KLHL4: variants seen among roughly 807,000 people sequenced by gnomAD.
KLHL4 encodes the protein kelch-like protein 4.
KLHL4 carries 17 observed loss-of-function variants against 45.8 expected under a neutral mutation model. The observed-to-expected ratio is 0.37, with a 90% CI of 0.25 to 0.56. The LOEUF (loss-of-function observed/expected upper bound fraction) is 0.56. KLHL4 is among the 20% of genes least tolerant of loss of function. KLHL4 has a pLI of 0.79. For missense variants in KLHL4, 544 were observed against 544.9 expected (o/e 1.00, Z 0.02); for synonymous variants, 224 against 189.9 (o/e 1.18, Z -1.47).
At chrX:87,524,111 G>T (rs1456057064) in intron 1 of KLHL4, among the ~76,000 whole-genome samples, 1 of 111,430 alleles carries the variant, frequency 9.0e-6, no homozygotes, top group Admixed American at 9.6e-5. Flanking sequence ...TGCACATAGT[G>T]ACTTCTTTCC....
Position 87,584,885 on chromosome X carries a change from A to G in KLHL4, c.423-28992A>G, listed in dbSNP as rs190866332. On this transcript the variant is annotated intron_variant, in intron 1 of 10. Transcript: ENST00000373119. ...AAAAAAAAAAAAAAAGTTATAGAAC[A>G]TCAAGTAGATTTACCCCCAAAATGA... Among the ~76,000 whole-genome samples, 60 of 109,340 alleles carry G rather than the reference A, an allele frequency of 5.5e-4. No homozygotes were observed. In the East Asian group the frequency reaches 0.017, roughly 31 times the overall value. 94.9% of individuals were successfully genotyped at this position (109,340 alleles called of 115,157 possible).
At chrX:87,544,946 C>A (rs1931642187) in intron 1 of KLHL4, among the ~76,000 whole-genome samples, 1 of 111,707 alleles carries the variant, frequency 9.0e-6, no homozygotes, top group East Asian at 2.8e-4. Context: ...CATGACAACA[C>A]CAAATGAATT....
intron 1 of KLHL4, among the ~76,000 whole-genome samples, chrX:87,540,673 T>G (rs1931530744): frequency 9.0e-6 from 1 of 111,198 alleles, no homozygotes; most frequent in South Asian, 3.8e-4. Context: ...GAATACCTCC[T>G]GAAGGCCCTG....
intron 1 of KLHL4, among the ~76,000 whole-genome samples, chrX:87,582,804 C>T (rs745652787): frequency 3.6e-5 from 4 of 111,510 alleles, no homozygotes; most frequent in South Asian, 7.6e-4. Flanking sequence ...ATGGCACGGA[C>T]CCAAATAGTG....
intron 1 of KLHL4, among the ~76,000 whole-genome samples, chrX:87,554,097 A>G (rs1317454508): frequency 1.1e-5 from 1 of 94,945 alleles, no homozygotes; most frequent in African/African-American, 3.9e-5. Flanking sequence ...TGGTACCAGT[A>G]CCATGCTGTT....
intron 1 of KLHL4, among the ~76,000 whole-genome samples, chrX:87,547,856 T>C (rs2147776871): frequency 9.0e-6 from 1 of 111,250 alleles, no homozygotes; most frequent in Admixed American, 9.6e-5. Context: ...ATTAAGCATG[T>C]ACAAAAGATT....
At chrX:87,647,599 G>A (rs1923678697) in intron 9 of KLHL4, among the ~76,000 whole-genome samples, 1 of 111,828 alleles carries the variant, frequency 8.9e-6, no homozygotes, top group Non-Finnish European at 1.9e-5. Flanking sequence ...GGATGGAATT[G>A]GAGACCATTA....
At position 87,669,537 on chromosome X, in the gene KLHL4, A is replaced by G. The variant is rs1602475730; in HGVS notation, c.*3003A>G. The G allele has an allele frequency of 2.9e-6, 2 of 687,802 alleles. No individual in the cohort carries two copies. The highest frequency in any genetic ancestry group is 4.7e-5 in the South Asian group (1 of 21,150). The allele number at this position is 687,802 out of a possible 1,213,427, so 56.7% of individuals were successfully genotyped here. Reference sequence around the variant, plus strand: ...GCAATATAGAAAAAAAAACCCTGTGACTCTGGATTTTATTTTAAGTTCTCT... The same window carrying G: ...GCAATATAGAAAAAAAAACCCTGTGGCTCTGGATTTTATTTTAAGTTCTCT... On this transcript the variant is annotated 3_prime_UTR_variant, in exon 11 of 11. Transcript: ENST00000373119.
At chrX:87,546,507 A>T (rs1328437621) in intron 1 of KLHL4, among the ~76,000 whole-genome samples, 1 of 112,594 alleles carries the variant, frequency 8.9e-6, no homozygotes, top group Non-Finnish European at 1.9e-5. Context: ...GAAAGCCCTC[A>T]TGGAGAAACT....
chrX:87,640,194 T>TAACTA lies in KLHL4; in HGVS notation c.1925+4422_1925+4426dup, dbSNP rs1208908605. Among the ~76,000 whole-genome samples, 23 of 111,119 alleles carry TAACTA rather than the reference T, an allele frequency of 2.1e-4. 1 individual carries two copies. The East Asian group carries it at 6.5e-3, about 31-fold the overall frequency. ...ATAATAAGAAGCAAGATTGAAACAG[T>TAACTA]AACTAAAAAGTTACCAACAAAAAAA... On this transcript the variant is annotated intron_variant, in intron 9 of 10. Coordinates refer to ENST00000373119, the MANE Select transcript of KLHL4 (RefSeq NM_019117.5).
rs181156361 is a variant in KLHL4 at position 87,613,539 on chromosome X, G to A, written c.423-338G>A. On this transcript the variant is annotated intron_variant, in intron 1 of 10. Coordinates refer to ENST00000373119, the MANE Select transcript of KLHL4 (RefSeq NM_019117.5). The stretch of plus-strand genomic sequence containing the variant: ...GTCTAAGGGTTTCCTGCCTATTGAC[G>A]TAATTATAATACCCATATAAATCAA... 4.2e-3 allele frequency among the ~76,000 whole-genome samples: 463 copies of A among 111,131 alleles called. 3 individuals carry two copies. The highest frequency in any genetic ancestry group is 0.014 in the African/African-American group (442 of 30,692).
At chrX:87,617,062 T>A (rs926490103) in intron 3 of KLHL4, among the ~76,000 whole-genome samples, 4 of 111,929 alleles carry the variant, frequency 3.6e-5, no homozygotes, top group Non-Finnish European at 5.7e-5. Context: ...AAAGTAGGAA[T>A]GTCTCATAAA....
At chrX:87,532,792 G>C (rs1302117818) in intron 1 of KLHL4, among the ~76,000 whole-genome samples, 3 of 110,225 alleles carry the variant, frequency 2.7e-5, no homozygotes, top group Non-Finnish European at 5.7e-5. Context: ...TTTGTATCCT[G>C]AGACTTTGCT....
At chrX:87,656,440 C>T (rs991644310) in intron 9 of KLHL4, among the ~76,000 whole-genome samples, 1 of 108,647 alleles carries the variant, frequency 9.2e-6, no homozygotes, top group Non-Finnish European at 1.9e-5. Context: ...TCTTCAAGCT[C>T]TGAGATTCTT....
rs1921167021 is a variant in KLHL4, at chrX:87,578,554, C to T, written c.423-35323C>T. On this transcript the variant is annotated intron_variant, in intron 1 of 10. Coordinates refer to ENST00000373119, the MANE Select transcript of KLHL4 (RefSeq NM_019117.5). ...AGACCATAATTTAGTTAAGAAGTTGCAGTACTCCAGATGAGCACAAAACTG... is the reference window on the plus strand; with the variant it reads ...AGACCATAATTTAGTTAAGAAGTTGTAGTACTCCAGATGAGCACAAAACTG... Among the ~76,000 whole-genome samples, 3 of 112,118 alleles carry T rather than the reference C, an allele frequency of 2.7e-5. No individual in the cohort carries two copies. The South Asian group carries it at 1.1e-3, about 41-fold the overall frequency.
At chrX:87,548,972 T>C (rs892037065) in intron 1 of KLHL4, among the ~76,000 whole-genome samples, 5 of 108,650 alleles carry the variant, frequency 4.6e-5, no homozygotes, top group Admixed American at 2.0e-4. Context: ...TCAAAAGACA[T>C]AGATTAAGTG....
intron 1 of KLHL4, among the ~76,000 whole-genome samples, chrX:87,522,081 A>G (rs1194485604): frequency 8.9e-6 from 1 of 112,756 alleles, no homozygotes; most frequent in African/African-American, 3.2e-5. Flanking sequence ...ACACAAACCC[A>G]TCTGTTTTAT....
At chrX:87,567,523 T>C (rs1932240050) in intron 1 of KLHL4, among the ~76,000 whole-genome samples, 1 of 111,511 alleles carries the variant, frequency 9.0e-6, no homozygotes, top group African/African-American at 3.3e-5. Context: ...GCAACAGCAT[T>C]ATTCACAATA....
At chrX:87,590,858 G>T (rs761577818) in intron 1 of KLHL4, among the ~76,000 whole-genome samples, 2 of 111,804 alleles carry the variant, frequency 1.8e-5, no homozygotes, top group Admixed American at 1.9e-4. Flanking sequence ...ACATTCCATT[G>T]TGTATATACA....
Sources: allele counts gnomAD v4.1 joint callset (sites outside exome capture counted in the v4.1 genomes callset), GRCh38; gene constraint gnomAD v4.1.1; transcripts MANE v1.5; gene names NCBI Gene and HGNC (gene_info 2026-07-23, HGNC 2026-07-21).